Variants in HAO2 observed in about 807,000 individuals in gnomAD.
HAO2 encodes 2-Hydroxyacid oxidase 2.
In HAO2, 42 loss-of-function variants were observed where a neutral mutation model predicts 37.4. That is an observed-to-expected ratio of 1.12 (90% confidence interval 0.88 to 1.45). The LOEUF is 1.45. Among genes scored for constraint, HAO2 ranks in the 40% most tolerant of loss-of-function variants. HAO2 has a pLI of 0.00. For synonymous variants in HAO2, 180 were observed against 162.8 expected (o/e 1.11, Z -0.81); for missense variants, 476 against 430.2 (o/e 1.11, Z -0.94).
At chr1:119,393,735 A>G in intron 7 of HAO2, 50 bp from the exon 8 acceptor site, 1 of 1,502,348 alleles carries the variant, frequency 6.7e-7, no homozygotes, top group Middle Eastern at 1.7e-4. Flanking sequence ...TGATGAGGTG[A>G]GTTGCTTGTG....
At chr1:119,380,584 C>T (rs1649838725) in intron 1 of HAO2, 1 of 727,094 alleles carries the variant, frequency 1.4e-6, no homozygotes, top group Non-Finnish European at 2.4e-6. Flanking sequence ...GCTGGTGAGG[C>T]AGTGAAAATC....
intron 1 of HAO2, chr1:119,369,961 C>A (rs1282380484): frequency 6.6e-6 from 1 of 151,992 alleles, no homozygotes; most frequent in Non-Finnish European, 1.5e-5. Flanking sequence ...AAAGAATAAA[C>A]CTTAACAACT....
At chr1:119,374,309 C>T (rs928767055) in intron 1 of HAO2, among the ~76,000 whole-genome samples, 8 of 152,218 alleles carry the variant, frequency 5.3e-5, no homozygotes, top group African/African-American at 1.9e-4. Flanking sequence ...CTCCCATCAC[C>T]TCTTTCATTC....
chr1:119,391,574 T>C (rs1650905742), intron 5 of HAO2, among the ~76,000 whole-genome samples: 1 of 152,194 alleles, frequency 6.6e-6, no homozygotes, highest in South Asian at 2.1e-4. Context: ...AGATACGCCA[T>C]GAGGAAGTCA....
intron 1 of HAO2, among the ~76,000 whole-genome samples, chr1:119,370,707 T>A (rs1648918738): frequency 6.6e-6 from 1 of 152,186 alleles, no homozygotes; most frequent in African/African-American, 2.4e-5. Flanking sequence ...CAGTCATTAG[T>A]TCCTTGGGCA....
intron 1 of HAO2, among the ~76,000 whole-genome samples, chr1:119,371,961 T>C (rs769658711): frequency 6.6e-6 from 1 of 152,198 alleles, no homozygotes; most frequent in African/African-American, 2.4e-5. Flanking sequence ...TGCCCTAAAC[T>C]ATGTTCAACG....
Position 119,393,765 on chromosome 1 carries a change from T to C in HAO2, c.1001-20T>C, listed in dbSNP as rs1651099606. The C allele has an allele frequency of 6.2e-7, 1 of 1,611,416 alleles. No homozygotes were observed. Among genetic ancestry groups the C allele is most frequent in the Admixed American group, 1.7e-5 (1 of 59,978 alleles). ...CTTGTGTTTGACAAAAATGAGCTTG[T>C]AACCACATTGTTCTTTTAGGCTGCC... On this transcript the variant is annotated intron_variant, in intron 7 of 7. Coordinates refer to ENST00000325945, the MANE Select transcript of HAO2 (RefSeq NM_016527.4).
chr1:119,382,963 C>T lies in HAO2; in HGVS notation c.180C>T (p.Thr60=). 6.2e-7 allele frequency: 1 copy of T among 1,613,262 alleles called. No individual in the cohort carries two copies. The highest frequency in any genetic ancestry group is 1.1e-5 in the South Asian group (1 of 91,038). ...TGAGAGATGTGTCTGAGGTGGACAC[C>T]AGAACCACAATCCAAGGGGAGGAGA... ...RYLRDVSEVD[T]RTTIQGEEIS... Residue 60 remains threonine, a synonymous_variant, in exon 3 of 8, where the codon ACC becomes ACT. Coordinates refer to ENST00000325945, the MANE Select transcript of HAO2 (RefSeq NM_016527.4).
rs148741482 is a variant in HAO2, at chr1:119,391,091, C to T, written c.772-1019C>T. On this transcript the variant is annotated intron_variant, in intron 5 of 7. Coordinates refer to ENST00000325945, the MANE Select transcript of HAO2 (RefSeq NM_016527.4). ...TAAGTTCAAAACATATTCAATTCCC[C>T]GCCCCCACCTATAAGTTAAAGTAGA... 1.7e-3 allele frequency among the ~76,000 whole-genome samples: 259 copies of T among 152,156 alleles called. 3 individuals are homozygous for T. The highest frequency in any genetic ancestry group is 5.6e-3 in the African/African-American group (233 of 41,524).
At chr1:119,391,048 C>A (rs1189750686) in intron 5 of HAO2, among the ~76,000 whole-genome samples, 1 of 152,138 alleles carries the variant, frequency 6.6e-6, no homozygotes, top group South Asian at 2.1e-4. Flanking sequence ...AATGTGAATT[C>A]TCTCTAGTTA....
chr1:119,377,073 T>C (rs1370451312), intron 1 of HAO2, among the ~76,000 whole-genome samples: 1 of 152,224 alleles, frequency 6.6e-6, no homozygotes, highest in Non-Finnish European at 1.5e-5. Context: ...AGGCTGCAAA[T>C]TTTCCAGACT....
At chr1:119,372,641 G>T (rs371519042) in intron 1 of HAO2, among the ~76,000 whole-genome samples, 2 of 152,176 alleles carry the variant, frequency 1.3e-5, no homozygotes, top group East Asian at 1.9e-4. Context: ...GTGACAGGCC[G>T]TACCTCTTGT....
chr1:119,380,724 G>C (rs1460270011), intron 1 of HAO2: 4 of 1,591,098 alleles, frequency 2.5e-6, no homozygotes, highest in Non-Finnish European at 1.7e-6. Context: ...GAATGTGAAG[G>C]CAAGATACAA....
At position 119,384,848 on chromosome 1, in the gene HAO2, C is replaced by T. The variant is rs368698057; in HGVS notation, c.356C>T (p.Ala119Val). 60 of 1,613,464 alleles carry T rather than the reference C, an allele frequency of 3.7e-5. No homozygotes were observed. The highest frequency in any genetic ancestry group is 4.8e-5 in the Non-Finnish European group (57 of 1,179,534). The stretch of plus-strand genomic sequence containing the variant: ...TGTAGCCTTGAAGACATTGTCATTG[C>T]AGCTCCCGAAGGCCTCCGATGGTTC... ...ASCSLEDIVI[A>V]APEGLRWFQL... is the part of the protein sequence containing the mutation. The change falls in exon 4 of 8, where the codon GCA becomes GTA. Residue 119 changes from alanine (A) to valine (V), a missense_variant. Physicochemically the swap from Ala to Val is moderately conservative, Grantham distance 64. Transcript: ENST00000325945.
intron 5 of HAO2, among the ~76,000 whole-genome samples, chr1:119,389,937 C>A (rs910563056): frequency 6.6e-6 from 1 of 152,044 alleles, no homozygotes; most frequent in African/African-American, 2.4e-5. Context: ...AGAATTAAGT[C>A]CTTGATCCAT....
At position 119,392,249 on chromosome 1, in the gene HAO2, T is replaced by C; in HGVS notation, c.911T>C (p.Leu304Pro). The C allele has an allele frequency of 1.9e-6, 3 of 1,612,400 alleles. No individual in the cohort carries two copies. The highest frequency in any genetic ancestry group is 2.5e-6 in the Non-Finnish European group (3 of 1,179,166). Residue 304 changes from leucine to proline, a missense_variant, in exon 6 of 8, where the codon CTA becomes CCA. Leu to Pro is a moderately conservative substitution (Grantham distance 98). Coordinates refer to ENST00000325945, the MANE Select transcript of HAO2 (RefSeq NM_016527.4). ...TGCATTTTTCTTGGGAGACCAATCC[T>C]ATGGGGCCTTGCCTGCAAGGTGAGA... is the stretch of plus-strand genomic sequence containing the variant. ...AKCIFLGRPI[L>P]WGLACKGEHG...
intron 1 of HAO2, among the ~76,000 whole-genome samples, chr1:119,379,965 A>C (rs1429328882): frequency 6.6e-6 from 1 of 152,062 alleles, no homozygotes; most frequent in East Asian, 1.9e-4. Context: ...GAACTAACCC[A>C]TTCCTGGTTG....
intron 1 of HAO2, among the ~76,000 whole-genome samples, chr1:119,370,539 C>A (rs1299493612): frequency 6.6e-6 from 1 of 152,184 alleles, no homozygotes; most frequent in East Asian, 1.9e-4. Context: ...GCTTAGTCCT[C>A]ATGGCAGCCC....
chr1:119,392,603 C>T lies in HAO2; in HGVS notation c.931-15C>T, dbSNP rs1651002821. 1 of 1,576,734 alleles carries T rather than the reference C, an allele frequency of 6.3e-7. No homozygotes were observed. The highest frequency in any genetic ancestry group is 8.7e-7 in the Non-Finnish European group (1 of 1,146,124). ...TATGTCTCTTTGTGTCTCTGTCTGTCTGCCTCGGGAGCAGGGTGAACATGG... is the reference window on the plus strand; with the variant it reads ...TATGTCTCTTTGTGTCTCTGTCTGTTTGCCTCGGGAGCAGGGTGAACATGG... On this transcript the variant is annotated splice_polypyrimidine_tract_variant and intron_variant, in intron 6 of 7. Transcript: ENST00000325945.
Sources: gnomAD v4.1 joint callset for allele counts (sites outside exome capture counted in the v4.1 genomes callset) on GRCh38, gnomAD v4.1.1 for gene constraint, MANE v1.5 for transcripts, NCBI Gene and HGNC (gene_info 2026-07-23, HGNC 2026-07-21) for gene names.